The following TENM3 variants were observed in gnomAD, a reference collection of about 807,000 sequenced individuals.
TENM3 encodes teneurin-3.
Under a neutral mutation model 255.1 loss-of-function variants are expected in TENM3, and 63 were observed. The observed-to-expected ratio is 0.25, with a 90% CI of 0.20 to 0.30. The LOEUF (loss-of-function observed/expected upper bound fraction) is 0.30, where lower values mean the gene tolerates loss of function less well. Among genes scored for constraint, TENM3 ranks in the 10% least tolerant of loss-of-function variants. The pLI is 1.00. For missense variants in TENM3, 2,929 were observed against 3,461.1 expected, an observed-to-expected ratio of 0.85 and a Z score of 3.86; for synonymous variants, 1,306 against 1,322.3, an observed-to-expected ratio of 0.99 and a Z score of 0.27.
At chr4:181,605,489 A>T in the TENM3 span, among the ~76,000 whole-genome samples, 4 of 6,458 alleles carry the variant, frequency 6.2e-4, 1 homozygote, top group Non-Finnish European at 1.3e-3. Context: ...AGAGAAAGAA[A>T]GAAAGAAAGA....
chr4:182,265,506 G>A (rs1759188939), intron 1 of TENM3, among the ~76,000 whole-genome samples: 1 of 152,140 alleles, frequency 6.6e-6, no homozygotes, highest in South Asian at 2.1e-4. Context: ...GGGAATCCAG[G>A]AATCAGTGTA....
At chr4:182,377,001 G>A (rs1561382018) in intron 3 of TENM3, among the ~76,000 whole-genome samples, 2 of 152,152 alleles carry the variant, frequency 1.3e-5, no homozygotes, top group East Asian at 1.9e-4. Flanking sequence ...TAGCAACCCC[G>A]GAATACTCCA....
intron 3 of TENM3, among the ~76,000 whole-genome samples, chr4:182,457,681 GCCAAT>G: frequency 6.8e-6 from 1 of 147,078 alleles, no homozygotes; most frequent in African/African-American, 2.5e-5. Flanking sequence ...CCTCAGCCTT[GCCAAT>G]GGTTGGGACC....
intron 13 of TENM3, among the ~76,000 whole-genome samples, chr4:182,715,877 A>G (rs774044920): frequency 6.6e-6 from 1 of 152,224 alleles, no homozygotes; most frequent in African/African-American, 2.4e-5. Flanking sequence ...TTTAGTTTCT[A>G]GCAGACTGTT....
the TENM3 span, among the ~76,000 whole-genome samples, chr4:181,507,925 G>T: frequency 6.6e-6 from 1 of 152,250 alleles, no homozygotes; most frequent in East Asian, 1.9e-4. Flanking sequence ...AAGAAAAGGC[G>T]ATTAAAATCT....
At chr4:182,018,822 A>G in the TENM3 span, among the ~76,000 whole-genome samples, 1 of 152,326 alleles carries the variant, frequency 6.6e-6, no homozygotes, top group East Asian at 1.9e-4. Flanking sequence ...CAGACATGGT[A>G]CATAACCTCA....
chr4:182,594,906 T>TG lies in TENM3; in HGVS notation c.512-6014dup, dbSNP rs150120258. 7.5e-3 allele frequency among the ~76,000 whole-genome samples: 1,144 copies of TG among 151,950 alleles called. 44 individuals are homozygous for TG. The East Asian group carries it at 0.094, about 13-fold the overall frequency. The stretch of plus-strand genomic sequence containing the variant: ...AGCTAATTTTTGTATTCAGTAGAGG[T>TG]GGGGTTTCACCATGTTGGCCAGGCT... On this transcript the variant is annotated intron_variant, in intron 3 of 27. Transcript: ENST00000511685.
the TENM3 span, among the ~76,000 whole-genome samples, chr4:181,696,031 G>C: frequency 6.6e-6 from 1 of 151,934 alleles, no homozygotes; most frequent in South Asian, 2.1e-4. Flanking sequence ...GGGAAGTAAA[G>C]TCATGTGTAA....
rs548816460 is a variant in TENM3 at position 182,173,891 on chromosome 4, A to G, written c.-76+29137A>G. Among the ~76,000 whole-genome samples the G allele has an allele frequency of 2.1e-3, 324 of 152,304 alleles. 1 individual carries two copies. Among genetic ancestry groups the G allele is most frequent in the Non-Finnish European group, 3.1e-3 (214 of 68,016 alleles). ...TCTTGTATGTAAGTTCTCTATAGCT[A>G]TGTCTGGAGTATGGATGATTTTTAT... On this transcript the variant is annotated intron_variant, in intron 1 of 2. Transcript: ENST00000512480.
At chr4:182,466,800 A>G (rs1732640281) in intron 3 of TENM3, among the ~76,000 whole-genome samples, 1 of 145,068 alleles carries the variant, frequency 6.9e-6, no homozygotes, top group South Asian at 2.3e-4. Context: ...CCAACTTACT[A>G]CAGAGGAAAA....
At chr4:182,485,893 T>C (rs967705706) in intron 3 of TENM3, among the ~76,000 whole-genome samples, 1 of 152,060 alleles carries the variant, frequency 6.6e-6, no homozygotes, top group African/African-American at 2.4e-5. Context: ...ATGTACAGGA[T>C]TCAATGGTAG....
At chr4:181,906,041 C>T in the TENM3 span, 1 of 433,284 alleles carries the variant, frequency 2.3e-6, no homozygotes, top group Non-Finnish European at 4.5e-6. Flanking sequence ...AAGTTCTGTT[C>T]TCTCTCAACA....
intron 1 of TENM3, among the ~76,000 whole-genome samples, chr4:182,257,659 G>T (rs932994923): frequency 6.6e-6 from 1 of 152,104 alleles, no homozygotes; most frequent in Non-Finnish European, 1.5e-5. Flanking sequence ...GAAAGGGACC[G>T]GAATCGCCAA....
intron 22 of TENM3, among the ~76,000 whole-genome samples, chr4:182,766,223 G>T (rs989917776): frequency 3.3e-5 from 5 of 152,276 alleles, no homozygotes; most frequent in African/African-American, 9.6e-5. Context: ...CCAGGAGGAT[G>T]AGGGCATGCA....
the TENM3 span, among the ~76,000 whole-genome samples, chr4:181,719,649 C>T: frequency 6.6e-6 from 1 of 152,166 alleles, no homozygotes; most frequent in South Asian, 2.1e-4. Flanking sequence ...CATCCTAATC[C>T]CATCACCTTG....
the TENM3 span, among the ~76,000 whole-genome samples, chr4:181,942,511 T>A: frequency 6.6e-6 from 1 of 152,074 alleles, no homozygotes; most frequent in Non-Finnish European, 1.5e-5. Flanking sequence ...ACCCAAGACT[T>A]TCTTAGCCAT....
the TENM3 span, among the ~76,000 whole-genome samples, chr4:181,563,027 G>A: frequency 1.3e-5 from 2 of 152,196 alleles, no homozygotes; most frequent in African/African-American, 4.8e-5. Flanking sequence ...ATGTTCTTTG[G>A]ACTGGGACTT....
At chr4:182,122,098 G>T in the TENM3 span, among the ~76,000 whole-genome samples, 1 of 152,202 alleles carries the variant, frequency 6.6e-6, no homozygotes, top group Non-Finnish European at 1.5e-5. Context: ...ATCTGTTCAA[G>T]TTTGATCATG....
At chr4:182,182,152 G>GA (rs1229832475) in intron 1 of TENM3, among the ~76,000 whole-genome samples, 1 of 152,108 alleles carries the variant, frequency 6.6e-6, no homozygotes, top group Non-Finnish European at 1.5e-5. Context: ...GAAAGGATAA[G>GA]AAAATTTCAG....
Sources: allele counts gnomAD v4.1 joint callset (sites outside exome capture counted in the v4.1 genomes callset), GRCh38; gene constraint gnomAD v4.1.1; transcripts MANE v1.5; gene names NCBI Gene and HGNC (gene_info 2026-07-23, HGNC 2026-07-21).